The following CDK10 variants were observed in gnomAD, a reference collection of about 807,000 sequenced individuals.
CDK10 encodes the protein cyclin dependent kinase 10, also known as cyclin-dependent kinase 10.
Under a neutral mutation model 51.0 loss-of-function variants are expected in CDK10, and 55 were observed. The ratio of observed to expected loss-of-function variants is 1.08; its 90% CI spans 0.87 to 1.35. The LOEUF (loss-of-function observed/expected upper bound fraction) is 1.35, where lower values mean the gene tolerates loss of function less well. Among genes scored for constraint, CDK10 ranks in the 40% most tolerant of loss-of-function variants. The pLI, the probability that CDK10 is intolerant of heterozygous loss-of-function variation, is 0.00. For missense variants in CDK10, 589 were observed against 485.1 expected (o/e 1.21, Z -2.01); for synonymous variants, 255 against 199.1 (o/e 1.28, Z -2.36).
rs2060402075 is a variant in CDK10 at position 89,690,622 on chromosome 16, A to G, written c.230A>G (p.Asp77Gly). Reference sequence around the variant, plus strand: ...AAGGTGCGGATGGACAAGGAGAAGGATGGTGAGCAGGAAATTGGGGTGTTG... The same window carrying G: ...AAGGTGCGGATGGACAAGGAGAAGGGTGGTGAGCAGGAAATTGGGGTGTTG... ...LKKVRMDKEKDGIPISSLREI... is the reference protein window; with the variant it reads ...LKKVRMDKEKGGIPISSLREI... Residue 77 changes from aspartate to glycine, a missense_variant and splice_region_variant, in exon 3 of 13, where the codon GAT becomes GGT. Asp to Gly is a moderately conservative substitution (Grantham distance 94). Transcript: ENST00000353379. The G allele has an allele frequency of 1.9e-6, 3 of 1,613,830 alleles. No homozygotes were observed. The highest frequency in any genetic ancestry group is 3.3e-5 in the Admixed American group (2 of 60,024).
At chr16:89,694,296 T>C in intron 9 of CDK10, 64 bp downstream of exon 9, 1 of 1,539,694 alleles carries the variant, frequency 6.5e-7, no homozygotes, top group Non-Finnish European at 8.9e-7. Flanking sequence ...CCGGGTCACC[T>C]GGTTCCTGAG....
intron 4 of CDK10, 88 bp downstream of exon 4, chr16:89,691,633 C>T: frequency 7.8e-7 from 1 of 1,275,454 alleles, no homozygotes; most frequent in Middle Eastern, 1.9e-4. Context: ...CTGAGTGTCA[C>T]TGGGCATGAG....
At chr16:89,690,906 G>A (rs1257147334) in intron 3 of CDK10, among the ~76,000 whole-genome samples, 1 of 152,138 alleles carries the variant, frequency 6.6e-6, no homozygotes, top group African/African-American at 2.4e-5. Flanking sequence ...GCACCTGCCT[G>A]TGCAGGCAGG....
intron 8 of CDK10, 143 bp downstream of exon 8, chr16:89,693,610 G>A (rs917595561): frequency 2.5e-6 from 2 of 796,700 alleles, no homozygotes; most frequent in Non-Finnish European, 4.1e-6. Flanking sequence ...GTTGGGTCTA[G>A]GACAGCCTCC....
At chr16:89,691,382 G>A in intron 3 of CDK10, 61 bp from the exon 4 acceptor site, 1 of 1,279,096 alleles carries the variant, frequency 7.8e-7, no homozygotes, top group South Asian at 1.4e-5. Context: ...AAGAGTGGCT[G>A]GGGTTGGGGC....
chr16:89,694,219 A>G lies in CDK10; in HGVS notation c.655A>G (p.Ser219Gly). 1 of 1,613,930 alleles carries G rather than the reference A, an allele frequency of 6.2e-7. No individual in the cohort carries two copies. The highest frequency in any genetic ancestry group is 8.5e-7 in the Non-Finnish European group (1 of 1,179,902). Residue 219 changes from serine to glycine, a missense_variant, in exon 9 of 13, where the codon AGC (serine) becomes GGC (glycine). Physicochemically the swap from Ser to Gly is moderately conservative, Grantham distance 56. Transcript: ENST00000353379. ...GTTGGGAACCACCACGCAGACCACCAGCATCGACATGTGGTGAGGAGATAC... is the reference window on the plus strand; with the variant it reads ...GTTGGGAACCACCACGCAGACCACCGGCATCGACATGTGGTGAGGAGATAC... Reference protein sequence around the residue: ...LLLGTTTQTTSIDMWAVGCIL... With the variant: ...LLLGTTTQTTGIDMWAVGCIL...
rs2050926719 is a variant in CDK10 at position 89,691,638 on chromosome 16, C to T, written c.335+93C>T. ...AGAGCGAGGACTGAGTGTCACTGGG[C>T]ATGAGGTTGTCAGAGAAGAGATGAC... On this transcript the variant is annotated intron_variant, in intron 4 of 12. Coordinates refer to ENST00000353379, the MANE Select transcript of CDK10 (RefSeq NM_052988.5). 43 of 1,253,720 alleles carry T rather than the reference C, an allele frequency of 3.4e-5. No individual in the cohort carries two copies. The South Asian group carries it at 5.4e-4, about 16-fold the overall frequency. The allele number at this position is 1,253,720 out of a possible 1,614,324, so 77.7% of individuals were successfully genotyped here.
At chr16:89,692,181 G>T in intron 5 of CDK10, 1 of 565,992 alleles carries the variant, frequency 1.8e-6, no homozygotes, top group Non-Finnish European at 3.1e-6. Flanking sequence ...GGGCTGCTGG[G>T]AGCGGGGAGC....
rs773301546 is a variant in CDK10, at chr16:89,693,398, C to T, written c.539C>T (p.Ala180Val). The T allele has an allele frequency of 5.0e-6, 8 of 1,614,136 alleles. No individual in the cohort carries two copies. Among genetic ancestry groups the T allele is most frequent in the Non-Finnish European group, 5.9e-6 (7 of 1,180,022 alleles). The change falls in exon 8 of 13, where the codon GCG becomes GTG. Residue 180 changes from alanine (A) to valine (V), a missense_variant and splice_region_variant. Ala to Val is a moderately conservative substitution (Grantham distance 64). Coordinates refer to ENST00000353379, the MANE Select transcript of CDK10 (RefSeq NM_052988.5). ...LMTDKGCVKT[A>V]DFGLARAYGV... The stretch of plus-strand genomic sequence containing the variant: ...ACACACACTCCCCTCTCTGCTGCAG[C>T]GGATTTCGGCCTGGCCCGGGCCTAT...
Position 89,695,993 on chromosome 16 carries a change from A to G in CDK10, c.*301A>G. Reference sequence around the variant, plus strand: ...CTCGCTATGTTGGAAATGTGCAACCACTGCTTCTTGGGAGGAGTGGTGGGT... The same window carrying G: ...CTCGCTATGTTGGAAATGTGCAACCGCTGCTTCTTGGGAGGAGTGGTGGGT... On this transcript the variant is annotated 3_prime_UTR_variant, in exon 13 of 13. Transcript: ENST00000353379. The G allele has an allele frequency of 1.6e-6, 1 of 607,684 alleles. No homozygotes were observed. Among genetic ancestry groups the G allele is most frequent in the Non-Finnish European group, 2.9e-6 (1 of 340,532 alleles). 37.6% of individuals were successfully genotyped at this position (607,684 alleles called of 1,614,324 possible).
In CDK10 at chr16:89,687,056, G is replaced by C. The variant is rs534426068; in HGVS notation, c.87+259G>C. 12 of 391,302 alleles carry C rather than the reference G, an allele frequency of 3.1e-5. No homozygotes were observed. In the Admixed American group the frequency reaches 4.6e-4, roughly 15 times the overall value. The allele number at this position is 391,302 out of a possible 1,614,324, so 24.2% of individuals were successfully genotyped here. Reference sequence around the variant, plus strand: ...CCGCGGAGAGACGGGCCCGGGACTTGGGAAGAGCAAGCTCCGGGATCCAGC... The same window carrying C: ...CCGCGGAGAGACGGGCCCGGGACTTCGGAAGAGCAAGCTCCGGGATCCAGC... On this transcript the variant is annotated intron_variant, in intron 1 of 12. Transcript: ENST00000353379.
chr16:89,695,371 C>T (rs2060672293), intron 12 of CDK10, 26 bp downstream of exon 12: 2 of 1,605,632 alleles, frequency 1.2e-6, no homozygotes, highest in Non-Finnish European at 1.7e-6. Context: ...TCCTGACTCG[C>T]TCTGTGGGGT....
chr16:89,694,089 G>C (rs1483450342), intron 8 of CDK10, 84 bp from the exon 9 acceptor site: 18 of 1,402,384 alleles, frequency 1.3e-5, no homozygotes, highest in Non-Finnish European at 1.7e-5. Flanking sequence ...GGCCACCACA[G>C]GCTCTCGGGG....
intron 3 of CDK10, among the ~76,000 whole-genome samples, chr16:89,690,918 C>T (rs1319839003): frequency 2.0e-5 from 3 of 152,154 alleles, no homozygotes; most frequent in Admixed American, 2.0e-4. Context: ...GCAGGCAGGG[C>T]CCTGCCATGC....
chr16:89,691,695 T>C, intron 4 of CDK10, 111 bp from the exon 5 acceptor site: 1 of 1,282,808 alleles, frequency 7.8e-7, no homozygotes, highest in Non-Finnish European at 1.1e-6. Context: ...GCCCATTGTC[T>C]GAGGGGGACA....
rs1250565281 is a variant in CDK10, at chr16:89,695,301, C to T, written c.941C>T (p.Ala314Val). 6.2e-7 allele frequency: 1 copy of T among 1,611,396 alleles called. No individual in the cohort carries two copies. Among genetic ancestry groups the T allele is most frequent in the South Asian group, 1.1e-5 (1 of 90,952 alleles). Residue 314 changes from alanine (A) to valine (V), a missense_variant, in exon 12 of 13, where the codon GCC (alanine) becomes GTC (valine). Physicochemically the swap from Ala to Val is moderately conservative, Grantham distance 64 (BLOSUM62 0). Coordinates refer to ENST00000353379, the MANE Select transcript of CDK10 (RefSeq NM_052988.5). ...FMYDPKKRAT[A>V]GDCLESSYFK... is the part of the protein sequence containing the mutation. ...CAGGCTGCCTCCTCCAGGGCGACGG[C>T]CGGGGACTGCCTGGAGAGCTCCTAT...
At chr16:89,687,259 T>C in intron 1 of CDK10, 1 of 331,268 alleles carries the variant, frequency 3.0e-6, no homozygotes, top group Non-Finnish European at 6.1e-6. Context: ...CCTGGGCGCG[T>C]CCCTTGCGGA....
intron 6 of CDK10, chr16:89,692,831 GA>G (rs977914649): frequency 1.7e-3 from 349 of 208,272 alleles, no homozygotes; most frequent in Middle Eastern, 4.0e-3. Flanking sequence ...AAGAGTTAAT[GA>G]AAAAAAAAAT....
intron 1 of CDK10, among the ~76,000 whole-genome samples, chr16:89,688,823 G>C (rs112974860): frequency 4.6e-5 from 7 of 152,168 alleles, no homozygotes; most frequent in Non-Finnish European, 8.8e-5. Flanking sequence ...CCAAGAGGCC[G>C]GGTACGGTGG....
Sources: gnomAD v4.1 joint callset for allele counts (sites outside exome capture counted in the v4.1 genomes callset) on GRCh38, gnomAD v4.1.1 for gene constraint, MANE v1.5 for transcripts, NCBI Gene and HGNC (gene_info 2026-07-23, HGNC 2026-07-21) for gene names.